SMCHD1: variants seen among roughly 807,000 people sequenced by gnomAD.
The protein encoded by SMCHD1 is structural maintenance of chromosomes flexible hinge domain containing 1, also known as structural maintenance of chromosomes flexible hinge domain-containing protein 1.
Under a neutral mutation model 254.7 loss-of-function variants are expected in SMCHD1, and 78 were observed. The ratio of observed to expected loss-of-function variants is 0.31; its 90% CI spans 0.26 to 0.37. The LOEUF (loss-of-function observed/expected upper bound fraction) is 0.37, where lower values mean the gene tolerates loss of function less well. Among genes scored for constraint, SMCHD1 ranks in the 10% least tolerant of loss-of-function variants. The pLI is 1.00. For missense variants in SMCHD1, 1,840 were observed against 2,408.1 expected (o/e 0.76, Z 4.94); for synonymous variants, 766 against 794.9 (o/e 0.96, Z 0.61).
In SMCHD1 at chr18:2,783,386, G is replaced by A. The variant is rs1201517973; in HGVS notation, c.5548-1064G>A. On this transcript the variant is annotated intron_variant, in intron 44 of 47. Coordinates refer to ENST00000320876, the MANE Select transcript of SMCHD1 (RefSeq NM_015295.3). ...TTTTCCATAGCCCCCCACCAAAGTT[G>A]TGTGTGTGTGTGCATTTTAACATAT... is the stretch of plus-strand genomic sequence containing the variant. 2.6e-5 allele frequency among the ~76,000 whole-genome samples: 4 copies of A among 151,870 alleles called. No homozygotes were observed. In the South Asian group the frequency reaches 6.2e-4, roughly 24 times the overall value.
intron 22 of SMCHD1, chr18:2,726,868 A>C (rs2075036943): frequency 6.4e-6 from 1 of 155,414 alleles, no homozygotes; most frequent in African/African-American, 2.4e-5. Context: ...AAAAACTTCT[A>C]ATGTTATTTT....
chr18:2,789,229 A>G, intron 45 of SMCHD1, among the ~76,000 whole-genome samples: 1 of 149,600 alleles, frequency 6.7e-6, no homozygotes, highest in East Asian at 2.0e-4. Flanking sequence ...TTTGGTAGAC[A>G]TGGGGTTTTG....
At position 2,724,881 on chromosome 18, in the gene SMCHD1, AT is replaced by A; in HGVS notation, c.2604-17del. On this transcript the variant is annotated splice_polypyrimidine_tract_variant and intron_variant, in intron 20 of 47. Coordinates refer to ENST00000320876, the MANE Select transcript of SMCHD1 (RefSeq NM_015295.3). ...GTAGGCAATTGAGGGGAGTTAAAAA[AT>A]AATTTTTTTTCCCCAGTGGTTTATC... 1 of 1,498,636 alleles carries A rather than the reference AT, an allele frequency of 6.7e-7. No individual in the cohort carries two copies. The highest frequency in any genetic ancestry group is 9.1e-7 in the Non-Finnish European group (1 of 1,103,614). The allele number at this position is 1,498,636 out of a possible 1,614,324, so 92.8% of individuals were successfully genotyped here.
At chr18:2,686,563 T>G (rs892094836) in intron 5 of SMCHD1, among the ~76,000 whole-genome samples, 12 of 152,180 alleles carry the variant, frequency 7.9e-5, no homozygotes, top group African/African-American at 2.9e-4. Flanking sequence ...ATTTTTTTTT[T>G]AAATCATCAG....
chr18:2,740,716 A>G lies in SMCHD1; in HGVS notation c.3528A>G (p.Thr1176=), dbSNP rs12327477. 479,349 of 1,577,326 alleles carry G rather than the reference A, an allele frequency of 0.3. 76,454 individuals carry two copies. The highest frequency in any genetic ancestry group is 0.47 in the East Asian group (20,758 of 44,272). Reference sequence around the variant, plus strand: ...CCCCTTTTTTAGTTATAATAATTACAGATCAGTACGGAAATCAGATTCAAG... The same window carrying G: ...CCCCTTTTTTAGTTATAATAATTACGGATCAGTACGGAAATCAGATTCAAG... ...ELQGEVVIII[T]DQYGNQIQAF... Residue 1176 remains threonine, a synonymous_variant, in exon 28 of 48, where the codon ACA becomes ACG. Transcript: ENST00000320876.
intron 25 of SMCHD1, among the ~76,000 whole-genome samples, chr18:2,734,734 A>G (rs1462172225): frequency 8.6e-5 from 13 of 151,972 alleles, no homozygotes; most frequent in Admixed American, 8.5e-4. Context: ...TTAGAGGAGC[A>G]TAAACTAGGA....
At chr18:2,726,705 A>T (rs535446170) in intron 22 of SMCHD1, 181 bp downstream of exon 22, 3 of 308,728 alleles carry the variant, frequency 9.7e-6, no homozygotes, top group Non-Finnish European at 1.8e-5. Context: ...ATTTAGGAAG[A>T]TGTTATTGAC....
intron 21 of SMCHD1, among the ~76,000 whole-genome samples, chr18:2,725,858 A>G (rs780609689): frequency 1.4e-4 from 21 of 151,912 alleles, no homozygotes; most frequent in Non-Finnish European, 7.4e-5. Flanking sequence ...AAATAACTTT[A>G]GAGGAAATTA....
intron 47 of SMCHD1, 136 bp downstream of exon 47, chr18:2,796,657 T>C: frequency 3.2e-6 from 2 of 628,512 alleles, no homozygotes; most frequent in Non-Finnish European, 5.5e-6. Flanking sequence ...CTTGGCTCAG[T>C]GCAACCTCTG....
intron 23 of SMCHD1, 112 bp downstream of exon 23, chr18:2,728,708 C>A: frequency 8.7e-7 from 1 of 1,151,814 alleles, no homozygotes; most frequent in Non-Finnish European, 1.2e-6. Context: ...AACGATTATT[C>A]CGTGGAAGGA....
At chr18:2,705,904 A>G in intron 14 of SMCHD1, 97 bp downstream of exon 14, 3 of 660,166 alleles carry the variant, frequency 4.5e-6, no homozygotes, top group Non-Finnish European at 7.6e-6. Flanking sequence ...CTAGTTTTCC[A>G]TTGGATAAAG....
rs748303423 is a variant in SMCHD1, at chr18:2,662,165, C to CAAA, written c.187-3981_187-3979dup. Among the ~76,000 whole-genome samples the CAAA allele has an allele frequency of 4.5e-4, 26 of 58,294 alleles. 1 individual carries two copies. The South Asian group carries it at 5.2e-3, about 12-fold the overall frequency. The allele number at this position is 58,294 out of a possible 152,430, so 38.2% of individuals were successfully genotyped here. A position where few individuals can be genotyped will look rare whatever the true frequency, so the allele number is the denominator to read the frequency against. On this transcript the variant is annotated intron_variant, in intron 1 of 47. Coordinates refer to ENST00000320876, the MANE Select transcript of SMCHD1 (RefSeq NM_015295.3). Reference sequence around the variant, plus strand: ...TGGGCGACAGAGCGAGACTCCGTCTCAAAAAAAAAAAAATAAAATAAATAA... The same window carrying CAAA: ...TGGGCGACAGAGCGAGACTCCGTCTCAAAAAAAAAAAAAAAATAAAATAAATAA...
At chr18:2,673,934 C>T (rs1473749680) in intron 4 of SMCHD1, 81 bp from the exon 5 acceptor site, 1 of 1,385,110 alleles carries the variant, frequency 7.2e-7, no homozygotes, top group Non-Finnish European at 9.8e-7. Context: ...CCTGTTGAAT[C>T]ATTTTTTTCA....
chr18:2,658,915 T>C (rs950106619), intron 1 of SMCHD1, among the ~76,000 whole-genome samples: 8 of 149,990 alleles, frequency 5.3e-5, no homozygotes, highest in Non-Finnish European at 1.0e-4. Context: ...TACGCATATA[T>C]ACATATATAC....
intron 32 of SMCHD1, among the ~76,000 whole-genome samples, chr18:2,750,989 A>C (rs2075559684): frequency 6.6e-6 from 1 of 152,084 alleles, no homozygotes; most frequent in African/African-American, 2.4e-5. Flanking sequence ...TTTGGCTATT[A>C]TATGCTATCG....
chr18:2,666,867 C>T lies in SMCHD1; in HGVS notation c.263-3C>T, dbSNP rs1026366395. ...CACTTATGATTTTCACTCTTGATTA[C>T]AGATGAAACTGTTAAAGATGGAGTC... On this transcript the variant is annotated splice_region_variant and splice_polypyrimidine_tract_variant and intron_variant, in intron 2 of 47. Coordinates refer to ENST00000320876, the MANE Select transcript of SMCHD1 (RefSeq NM_015295.3). The T allele has an allele frequency of 4.4e-6, 7 of 1,605,958 alleles. No individual in the cohort carries two copies. The highest frequency in any genetic ancestry group is 2.7e-5 in the African/African-American group (2 of 74,680).
chr18:2,656,477 C>T (rs1266399128), intron 1 of SMCHD1, among the ~76,000 whole-genome samples: 1 of 152,230 alleles, frequency 6.6e-6, no homozygotes, highest in Non-Finnish European at 1.5e-5. Flanking sequence ...GGCCGGCTCC[C>T]CCGTGGCCCT....
rs998908246 is a variant in SMCHD1 at position 2,719,800 on chromosome 18, C to T, written c.2458+1366C>T. ...AAGCGATTCTTCTGCCTCAGCCTCC[C>T]GGGTAGCTGGGATTACAGGCGTATG... is the stretch of plus-strand genomic sequence containing the variant. On this transcript the variant is annotated intron_variant, in intron 19 of 47. Coordinates refer to ENST00000320876, the MANE Select transcript of SMCHD1 (RefSeq NM_015295.3). Among the ~76,000 whole-genome samples, 8 of 152,000 alleles carry T rather than the reference C, an allele frequency of 5.3e-5. No homozygotes were observed. The East Asian group carries it at 1.2e-3, about 22-fold the overall frequency.
intron 30 of SMCHD1, among the ~76,000 whole-genome samples, chr18:2,748,072 C>G (rs1056171847): frequency 6.6e-6 from 1 of 152,132 alleles, no homozygotes; most frequent in African/African-American, 2.4e-5. Context: ...CTCTACTTAT[C>G]TTATGGAGAG....
Sources: allele counts gnomAD v4.1 joint callset (sites outside exome capture counted in the v4.1 genomes callset), GRCh38; gene constraint gnomAD v4.1.1; transcripts MANE v1.5; gene names NCBI Gene and HGNC (gene_info 2026-07-23, HGNC 2026-07-21).